The following TPRG1 variants were observed in gnomAD, a reference collection of about 807,000 sequenced individuals.
TPRG1 encodes the protein tumor protein p63 regulated 1.
In TPRG1, 29 loss-of-function variants were observed where a neutral mutation model predicts 29.3. The observed-to-expected ratio is 0.99, with a 90% CI of 0.74 to 1.35. The LOEUF is 1.35. TPRG1 is among the 40% of genes most tolerant of loss of function. TPRG1 has a pLI of 0.00. For synonymous variants in TPRG1, 130 were observed against 116.8 expected (o/e 1.11, Z -0.73); for missense variants, 327 against 335.0 (o/e 0.98, Z 0.19).
intron 4 of TPRG1, among the ~76,000 whole-genome samples, chr3:189,032,830 G>A (rs1344431604): frequency 2.9e-4 from 41 of 139,994 alleles, no homozygotes; most frequent in Non-Finnish European, 5.6e-4. Flanking sequence ...TCCCACCTAT[G>A]AGTGAGAACA....
At chr3:189,071,974 C>T (rs1716836453) in intron 4 of TPRG1, among the ~76,000 whole-genome samples, 1 of 152,152 alleles carries the variant, frequency 6.6e-6, no homozygotes, top group Non-Finnish European at 1.5e-5. Context: ...TTGGTATATG[C>T]ATGGACAGTA....
Position 189,299,922 on chromosome 3 carries a change from G to T in TPRG1, c.480-10464G>T, listed in dbSNP as rs74648841. 9.8e-3 allele frequency among the ~76,000 whole-genome samples: 1,499 copies of T among 152,296 alleles called. 30 individuals carry two copies. The highest frequency in any genetic ancestry group is 0.034 in the African/African-American group (1,411 of 41,550). On this transcript the variant is annotated intron_variant, in intron 4 of 5. Coordinates refer to ENST00000345063, the MANE Select transcript of TPRG1 (RefSeq NM_198485.4). ...TGCATGCTAGAATTCTACTCAAAAG[G>T]TTGTGTATCTGGCTGAGAAAGTGTT...
intron 2 of TPRG1, among the ~76,000 whole-genome samples, chr3:189,209,015 C>T (rs981497530): frequency 6.6e-6 from 1 of 152,162 alleles, no homozygotes; most frequent in Non-Finnish European, 1.5e-5. Context: ...ATTGCATGGA[C>T]AAACTGGAAT....
chr3:189,234,820 G>T (rs192118614), intron 3 of TPRG1, among the ~76,000 whole-genome samples: 1 of 152,124 alleles, frequency 6.6e-6, no homozygotes, highest in South Asian at 2.1e-4. Context: ...TAGCATCCAA[G>T]GTAAGTACCA....
At chr3:189,151,507 G>A (rs1036250815) in intron 5 of TPRG1, among the ~76,000 whole-genome samples, 4 of 152,066 alleles carry the variant, frequency 2.6e-5, no homozygotes, top group African/African-American at 9.7e-5. Flanking sequence ...TCCTTTGGTT[G>A]TAAGAAAGAG....
intron 4 of TPRG1, among the ~76,000 whole-genome samples, chr3:189,295,910 C>CT (rs1222547224): frequency 1.6e-4 from 4 of 24,768 alleles, no homozygotes; most frequent in Admixed American, 6.3e-4. Context: ...TAAAATGATG[C>CT]TTTAAAAAAA....
intron 4 of TPRG1, among the ~76,000 whole-genome samples, chr3:189,308,191 A>G (rs373133843): frequency 7.8e-6 from 1 of 128,720 alleles, no homozygotes; most frequent in Admixed American, 7.7e-5. Flanking sequence ...AGAAAGAGAA[A>G]TGATTCAGAT....
intron 4 of TPRG1, among the ~76,000 whole-genome samples, chr3:189,293,903 T>G (rs1719436457): frequency 6.6e-6 from 1 of 152,220 alleles, no homozygotes; most frequent in Non-Finnish European, 1.5e-5. Flanking sequence ...TCTTCCCTTA[T>G]TAAAAGCTTG....
intron 2 of TPRG1, among the ~76,000 whole-genome samples, chr3:189,004,002 C>T (rs577602334): frequency 1.2e-4 from 18 of 151,976 alleles, no homozygotes; most frequent in Admixed American, 3.9e-4. Flanking sequence ...CCATTTTGTC[C>T]GAGTAAAACT....
chr3:189,216,102 T>A (rs1476798039), intron 3 of TPRG1, among the ~76,000 whole-genome samples: 1 of 152,122 alleles, frequency 6.6e-6, no homozygotes, highest in Admixed American at 6.6e-5. Context: ...AAGTAAAATA[T>A]CCCTATAATA....
At chr3:189,284,600 A>T (rs1717739017) in intron 4 of TPRG1, among the ~76,000 whole-genome samples, 1 of 152,008 alleles carries the variant, frequency 6.6e-6, no homozygotes, top group African/African-American at 2.4e-5. Context: ...AATCCAGTGT[A>T]TCATTGTTGG....
intron 4 of TPRG1, among the ~76,000 whole-genome samples, chr3:189,306,553 C>T (rs1223117195): frequency 3.3e-5 from 5 of 152,106 alleles, no homozygotes; most frequent in African/African-American, 9.7e-5. Context: ...CCTTTCCCTG[C>T]CCCTTTTTTA....
chr3:189,196,767 T>G (rs978604942), intron 1 of TPRG1, among the ~76,000 whole-genome samples: 2 of 152,236 alleles, frequency 1.3e-5, no homozygotes, highest in African/African-American at 4.8e-5. Context: ...TCTGCATATT[T>G]ATGATTTTCT....
At chr3:189,263,886 T>C (rs1443140355) in intron 4 of TPRG1, among the ~76,000 whole-genome samples, 1 of 152,136 alleles carries the variant, frequency 6.6e-6, no homozygotes, top group East Asian at 1.9e-4. Context: ...GTTTAAGAAA[T>C]GGAGGCAGCA....
intron 3 of TPRG1, among the ~76,000 whole-genome samples, chr3:189,224,650 C>T (rs149811442): frequency 2.4e-3 from 358 of 152,218 alleles, no homozygotes; most frequent in Non-Finnish European, 3.6e-3. Flanking sequence ...TGAATGAGAA[C>T]GTAAAGAATT....
intron 1 of TPRG1, among the ~76,000 whole-genome samples, chr3:189,119,604 G>T (rs1007558415): frequency 1.3e-5 from 2 of 152,152 alleles, no homozygotes; most frequent in Non-Finnish European, 2.9e-5. Context: ...AATCACAGAG[G>T]CAGTTACCCC....
At chr3:189,157,484 G>A (rs1726847159) in intron 5 of TPRG1, among the ~76,000 whole-genome samples, 1 of 152,152 alleles carries the variant, frequency 6.6e-6, no homozygotes, top group Non-Finnish European at 1.5e-5. Context: ...TCAAGTGCCA[G>A]GAACTCAGTG....
At chr3:189,166,433 C>A (rs1287097489) in intron 5 of TPRG1, among the ~76,000 whole-genome samples, 2 of 152,172 alleles carry the variant, frequency 1.3e-5, no homozygotes, top group African/African-American at 4.8e-5. Flanking sequence ...CTAGAAGAGA[C>A]CTCACTTTGA....
At chr3:189,045,363 A>G (rs1714911166) in intron 4 of TPRG1, among the ~76,000 whole-genome samples, 1 of 152,266 alleles carries the variant, frequency 6.6e-6, no homozygotes, top group African/African-American at 2.4e-5. Context: ...TTCAACAATC[A>G]TGGAAAAGAA....
Sources: allele counts gnomAD v4.1 joint callset (sites outside exome capture counted in the v4.1 genomes callset), GRCh38; gene constraint gnomAD v4.1.1; transcripts MANE v1.5; gene names NCBI Gene and HGNC (gene_info 2026-07-23, HGNC 2026-07-21).